The following SLC9A9 variants were observed in gnomAD, a reference collection of about 807,000 sequenced individuals.
The protein encoded by SLC9A9 is solute carrier family 9 member A9.
Under a neutral mutation model 77.8 loss-of-function variants are expected in SLC9A9, and 62 were observed. That is an observed-to-expected ratio of 0.80 (90% confidence interval 0.65 to 0.98). The LOEUF (loss-of-function observed/expected upper bound fraction) is 0.98, where lower values mean the gene tolerates loss of function less well. SLC9A9 is among the 50% of genes least tolerant of loss of function. SLC9A9 has a pLI of 0.00. For synonymous variants in SLC9A9, 320 were observed against 283.5 expected, an observed-to-expected ratio of 1.13 and a Z score of -1.29; for missense variants, 775 against 774.9, an observed-to-expected ratio of 1.00 and a Z score of 0.00.
intron 4 of SLC9A9, among the ~76,000 whole-genome samples, chr3:143,739,896 G>C (rs1358863361): frequency 1.3e-5 from 2 of 152,170 alleles, no homozygotes; most frequent in Non-Finnish European, 2.9e-5. Context: ...AACCATTTAT[G>C]CCTCAATGAA....
intron 14 of SLC9A9, among the ~76,000 whole-genome samples, chr3:143,340,821 T>G (rs1196836073): frequency 6.6e-6 from 1 of 152,228 alleles, no homozygotes; most frequent in Admixed American, 6.5e-5. Context: ...TTTTATGTGC[T>G]CTTTCTAGAA....
chr3:143,409,993 G>A (rs930177624), intron 12 of SLC9A9, among the ~76,000 whole-genome samples: 4 of 152,208 alleles, frequency 2.6e-5, no homozygotes, highest in African/African-American at 4.8e-5. Context: ...TCAGGGACAC[G>A]TCTCTTGAGA....
At chr3:143,814,766 C>T (rs773468706) in intron 2 of SLC9A9, among the ~76,000 whole-genome samples, 1 of 152,132 alleles carries the variant, frequency 6.6e-6, no homozygotes, top group Non-Finnish European at 1.5e-5. Context: ...TCTACCTTCC[C>T]TACTCTGATG....
chr3:143,272,044 A>G (rs1399732386), intron 14 of SLC9A9, among the ~76,000 whole-genome samples: 2 of 152,186 alleles, frequency 1.3e-5, no homozygotes, highest in Non-Finnish European at 2.9e-5. Flanking sequence ...ACAGCCAACA[A>G]ATGAGTTTTC....
chr3:143,689,335 A>T lies in SLC9A9; in HGVS notation c.649+3857T>A, dbSNP rs1304837497. On this transcript the variant is annotated intron_variant, in intron 5 of 15. Coordinates refer to ENST00000316549, the MANE Select transcript of SLC9A9 (RefSeq NM_173653.4). ...AGAAGAAAGAACCCAAATTTCTATC[A>T]ATAGAAGACTGATTGAATAAACTAT... Among the ~76,000 whole-genome samples the T allele has an allele frequency of 3.3e-5, 5 of 152,320 alleles. No homozygotes were observed. The East Asian group carries it at 7.7e-4, about 24-fold the overall frequency.
At chr3:143,344,724 T>G (rs1277491263) in intron 14 of SLC9A9, 1 of 152,210 alleles carries the variant, frequency 6.6e-6, no homozygotes, top group Non-Finnish European at 1.5e-5. Flanking sequence ...CTACCATTAA[T>G]GTGGTTTTTC....
At chr3:143,828,250 T>C (rs1272771169) in intron 2 of SLC9A9, among the ~76,000 whole-genome samples, 4 of 152,144 alleles carry the variant, frequency 2.6e-5, no homozygotes, top group Non-Finnish European at 4.4e-5. Flanking sequence ...TTCTACCAAC[T>C]CCAAGAATGA....
At chr3:143,430,709 A>C (rs1438865271) in intron 12 of SLC9A9, among the ~76,000 whole-genome samples, 1 of 152,198 alleles carries the variant, frequency 6.6e-6, no homozygotes, top group East Asian at 1.9e-4. Flanking sequence ...TTGTGTTGGC[A>C]CTGTTGGTTA....
intron 6 of SLC9A9, among the ~76,000 whole-genome samples, chr3:143,594,278 T>C (rs2037713636): frequency 6.6e-6 from 1 of 152,228 alleles, no homozygotes; most frequent in African/African-American, 2.4e-5. Flanking sequence ...AGCATATATA[T>C]CTATTTCAGC....
chr3:143,812,430 G>A (rs140348248), intron 2 of SLC9A9, among the ~76,000 whole-genome samples: 45 of 152,294 alleles, frequency 3.0e-4, no homozygotes, highest in Middle Eastern at 3.4e-3. Flanking sequence ...GAAACTGCTC[G>A]CCTATGAAAT....
chr3:143,317,493 G>A (rs1245466171), intron 14 of SLC9A9, among the ~76,000 whole-genome samples: 2 of 152,276 alleles, frequency 1.3e-5, no homozygotes, highest in Middle Eastern at 3.4e-3. Flanking sequence ...GCAGCAGGAG[G>A]GTGTGAGGTC....
At chr3:143,626,542 C>T (rs992330395) in intron 6 of SLC9A9, among the ~76,000 whole-genome samples, 4 of 151,640 alleles carry the variant, frequency 2.6e-5, no homozygotes, top group Non-Finnish European at 4.4e-5. Context: ...CGCATGTTCT[C>T]ACTCATAGGT....
chr3:143,386,749 A>C (rs956734682), intron 12 of SLC9A9, among the ~76,000 whole-genome samples: 1 of 152,222 alleles, frequency 6.6e-6, no homozygotes, highest in African/African-American at 2.4e-5. Flanking sequence ...CACAAGGAGC[A>C]GCCAGTGTAC....
chr3:143,525,570 G>A (rs1321028215), intron 9 of SLC9A9, among the ~76,000 whole-genome samples: 1 of 152,154 alleles, frequency 6.6e-6, no homozygotes, highest in Non-Finnish European at 1.5e-5. Flanking sequence ...TCCTGGGGAA[G>A]TATTTCATCA....
intron 5 of SLC9A9, among the ~76,000 whole-genome samples, chr3:143,667,448 A>T (rs2039087673): frequency 6.6e-6 from 1 of 152,212 alleles, no homozygotes; most frequent in African/African-American, 2.4e-5. Context: ...AAAACACCAA[A>T]AGCAATGGCA....
chr3:143,467,096 G>A lies in SLC9A9; in HGVS notation c.1410C>T (p.Phe470=), dbSNP rs111384840. The change falls in exon 12 of 16, where the codon TTC becomes TTT. Residue 470 remains phenylalanine (F), a synonymous_variant. Coordinates refer to ENST00000316549, the MANE Select transcript of SLC9A9 (RefSeq NM_173653.4). The part of the protein sequence containing the change: ...MMFTTTLLLV[F]FTVWVFGGGT... ...CTCCTCCAAATACCCAGACAGTGAAGAACACGAGGAGCAGCGTAGTGGTAA... is the reference window on the plus strand; with the variant it reads ...CTCCTCCAAATACCCAGACAGTGAAAAACACGAGGAGCAGCGTAGTGGTAA... The A allele has an allele frequency of 4.3e-6, 7 of 1,613,970 alleles. No homozygotes were observed. In the East Asian group the frequency reaches 8.9e-5, roughly 21 times the overall value.
intron 13 of SLC9A9, among the ~76,000 whole-genome samples, chr3:143,365,878 T>G (rs1199329717): frequency 6.6e-6 from 1 of 152,226 alleles, no homozygotes; most frequent in Non-Finnish European, 1.5e-5. Context: ...CTGCTCATGT[T>G]GAGCTAAACT....
At position 143,578,735 on chromosome 3, in the gene SLC9A9, A is replaced by G; in HGVS notation, c.756-12T>C. The G allele has an allele frequency of 1.2e-6, 2 of 1,613,882 alleles. No individual in the cohort carries two copies. Among genetic ancestry groups the G allele is most frequent in the Non-Finnish European group, 1.7e-6 (2 of 1,179,812 alleles). On this transcript the variant is annotated splice_polypyrimidine_tract_variant and intron_variant, in intron 6 of 15. Coordinates refer to ENST00000316549, the MANE Select transcript of SLC9A9 (RefSeq NM_173653.4). The stretch of plus-strand genomic sequence containing the variant: ...AAATGGATATAGAACTGAAAAGAGA[A>G]GAGGGTGGAGGTTAGTTAGTGACTT...
chr3:143,599,990 T>A (rs2037818217), intron 6 of SLC9A9, among the ~76,000 whole-genome samples: 1 of 152,192 alleles, frequency 6.6e-6, no homozygotes, highest in Non-Finnish European at 1.5e-5. Context: ...AGCCCGGTAC[T>A]GCTTCCAGAT....
Sources: gnomAD v4.1 joint callset for allele counts (sites outside exome capture counted in the v4.1 genomes callset) on GRCh38, gnomAD v4.1.1 for gene constraint, MANE v1.5 for transcripts, NCBI Gene and HGNC (gene_info 2026-07-23, HGNC 2026-07-21) for gene names.